Variants in MAST4 observed in about 807,000 individuals in gnomAD.
MAST4 encodes the protein microtubule associated serine/threonine kinase family member 4.
MAST4 carries 89 observed loss-of-function variants against 162.7 expected under a neutral mutation model. The observed-to-expected ratio is 0.55, with a 90% CI of 0.46 to 0.65. MAST4 has a LOEUF of 0.65. Ranked by LOEUF, MAST4 falls within the 30% of genes least tolerant of loss-of-function variation. The pLI, the probability that MAST4 is intolerant of heterozygous loss-of-function variation, is 0.00. For missense variants in MAST4, 3,153 were observed against 3,374.0 expected, an observed-to-expected ratio of 0.93 and a Z score of 1.62; for synonymous variants, 1,479 against 1,361.1, an observed-to-expected ratio of 1.09 and a Z score of -1.91.
chr5:66,786,784 AAT>A (rs1755137639), intron 2 of MAST4, among the ~76,000 whole-genome samples: 1 of 152,206 alleles, frequency 6.6e-6, no homozygotes, highest in Non-Finnish European at 1.5e-5. Context: ...CTTGCCCAAA[AAT>A]ATGTCTGAAT....
Position 67,056,556 on chromosome 5 carries a change from C to T in MAST4, c.763+2064C>T, listed in dbSNP as rs149922070. ...CACTTCTAATATTGAGACGACAGAA[C>T]GTGGTGAAGACTTTAATGATCCTTT... On this transcript the variant is annotated intron_variant, in intron 5 of 28. Transcript: ENST00000403625. Among the ~76,000 whole-genome samples the T allele has an allele frequency of 3.3e-3, 495 of 152,228 alleles. 3 individuals are homozygous for T. Among genetic ancestry groups the T allele is most frequent in the African/African-American group, 0.011 (456 of 41,548 alleles).
At chr5:66,978,697 G>GT (rs1396168122) in intron 4 of MAST4, among the ~76,000 whole-genome samples, 2 of 152,190 alleles carry the variant, frequency 1.3e-5, no homozygotes, top group Non-Finnish European at 2.9e-5. Flanking sequence ...ATGTAGACAT[G>GT]TATGTTCAAG....
At chr5:66,736,840 A>G (rs1752183308) in intron 1 of MAST4, among the ~76,000 whole-genome samples, 1 of 152,058 alleles carries the variant, frequency 6.6e-6, no homozygotes, top group Admixed American at 6.6e-5. Context: ...GAAGGGTACT[A>G]CTCTTGTACA....
intron 9 of MAST4, among the ~76,000 whole-genome samples, chr5:67,103,411 C>A (rs1445925894): frequency 6.6e-6 from 1 of 152,192 alleles, no homozygotes; most frequent in East Asian, 1.9e-4. Context: ...ACATTGATGT[C>A]ATTGATTAAA....
At position 66,789,988 on chromosome 5, in the gene MAST4, A is replaced by ATTTT. The variant is rs57743987; in HGVS notation, c.642+1221_642+1224dup. On this transcript the variant is annotated intron_variant, in intron 3 of 28. Coordinates refer to ENST00000403625, the MANE Select transcript of MAST4 (RefSeq NM_001164664.2). ...CTTTATGTTTAACATGCTTATTAGA[A>ATTTT]TTTTTTTTTTTTTTTTTTTTTTTTT... 1.9e-3 allele frequency among the ~76,000 whole-genome samples: 102 copies of ATTTT among 52,462 alleles called. 7 individuals are homozygous for ATTTT. The highest frequency in any genetic ancestry group is 0.017 in the Middle Eastern group (1 of 58). 34.4% of individuals were successfully genotyped at this position (52,462 alleles called of 152,430 possible). A position where few individuals can be genotyped will look rare whatever the true frequency, so the allele number is the denominator to read the frequency against.
At chr5:66,861,851 A>G (rs1760142314) in intron 3 of MAST4, among the ~76,000 whole-genome samples, 1 of 152,138 alleles carries the variant, frequency 6.6e-6, no homozygotes. Flanking sequence ...AGAAGATGTG[A>G]TTATTGTTGT....
chr5:66,650,887 C>T (rs1243119216), intron 1 of MAST4, among the ~76,000 whole-genome samples: 1 of 152,186 alleles, frequency 6.6e-6, no homozygotes, highest in African/African-American at 2.4e-5. Flanking sequence ...GTTCATATCC[C>T]GTTGATCAAA....
At chr5:66,712,373 G>T (rs960811464) in intron 1 of MAST4, among the ~76,000 whole-genome samples, 3 of 152,172 alleles carry the variant, frequency 2.0e-5, no homozygotes, top group African/African-American at 7.2e-5. Context: ...TGGCAGTTTT[G>T]TTCCAGAATT....
At chr5:66,634,849 C>A (rs1225983188) in intron 1 of MAST4, among the ~76,000 whole-genome samples, 1 of 152,192 alleles carries the variant, frequency 6.6e-6, no homozygotes, top group Admixed American at 6.5e-5. Flanking sequence ...CAACCAGGCC[C>A]AATATTCTGA....
intron 4 of MAST4, among the ~76,000 whole-genome samples, chr5:66,965,207 GTTTTTTTTTTTTTTTTGCTT>G (rs1746554886): frequency 1.2e-5 from 1 of 82,872 alleles, no homozygotes; most frequent in South Asian, 4.2e-4. Flanking sequence ...CATAAGAGTA[GTTTTTTTTTTTTTTTTGCTT>G]TTTTTTTTTT....
chr5:66,973,682 T>C (rs953964572), intron 4 of MAST4, among the ~76,000 whole-genome samples: 9 of 152,220 alleles, frequency 5.9e-5, no homozygotes, highest in African/African-American at 1.4e-4. Flanking sequence ...CTTTCATTGA[T>C]GACCTTGCTC....
chr5:67,075,734 A>T (rs1761561822), intron 5 of MAST4, among the ~76,000 whole-genome samples: 1 of 152,228 alleles, frequency 6.6e-6, no homozygotes, highest in Admixed American at 6.5e-5. Context: ...ATAAAAGCTA[A>T]GCACTCCCTT....
intron 4 of MAST4, among the ~76,000 whole-genome samples, chr5:67,000,117 T>G (rs1751115712): frequency 6.6e-6 from 1 of 152,180 alleles, no homozygotes; most frequent in Non-Finnish European, 1.5e-5. Flanking sequence ...AGACCACATT[T>G]AGAAGGTGAC....
rs750951069 is a variant in MAST4 at position 67,078,911 on chromosome 5, A to AATATAT, written c.764-11216_764-11211dup. On this transcript the variant is annotated intron_variant, in intron 5 of 28. Coordinates refer to ENST00000403625, the MANE Select transcript of MAST4 (RefSeq NM_001164664.2). ...TTATATATTTATATATTTTTATATA[A>AATATAT]ATATATATATATATATATATATATA... Among the ~76,000 whole-genome samples, 107 of 38,018 alleles carry AATATAT rather than the reference A, an allele frequency of 2.8e-3. 2 individuals carry two copies. Among genetic ancestry groups the AATATAT allele is most frequent in the African/African-American group, 7.9e-3 (63 of 8,018 alleles). 24.9% of individuals were successfully genotyped at this position (38,018 alleles called of 152,430 possible).
chr5:67,122,095 A>G (rs951943462), intron 14 of MAST4, among the ~76,000 whole-genome samples: 1 of 152,200 alleles, frequency 6.6e-6, no homozygotes, highest in Non-Finnish European at 1.5e-5. Flanking sequence ...CTTCTGAGTT[A>G]CTAATAGTTT....
In MAST4 at chr5:67,152,800, T is replaced by C. The variant is rs1278895948; in HGVS notation, c.3459T>C (p.Phe1153=). Residue 1153 remains phenylalanine (F), a synonymous_variant, in exon 25 of 29, where the codon TTT becomes TTC. Coordinates refer to ENST00000403625, the MANE Select transcript of MAST4 (RefSeq NM_001164664.2). ...ACAGTTCGGGGAAGAACTACGGCTT[T>C]ACCATCCGAGCCATCCGGGTGTATG... is the stretch of plus-strand genomic sequence containing the variant. ...VIHSSGKNYG[F]TIRAIRVYVG... is the part of the protein sequence containing the mutation. 8 of 1,614,048 alleles carry C rather than the reference T, an allele frequency of 5.0e-6. No homozygotes were observed. In the East Asian group the frequency reaches 1.6e-4, roughly 31 times the overall value.
At chr5:67,080,538 A>G (rs1160859023) in intron 5 of MAST4, among the ~76,000 whole-genome samples, 1 of 152,172 alleles carries the variant, frequency 6.6e-6, no homozygotes, top group Non-Finnish European at 1.5e-5. Flanking sequence ...CAGATTGTCT[A>G]CTAAAGATAT....
At chr5:66,986,968 C>A (rs1749583275) in intron 4 of MAST4, among the ~76,000 whole-genome samples, 1 of 152,032 alleles carries the variant, frequency 6.6e-6, no homozygotes, top group Non-Finnish European at 1.5e-5. Context: ...ATGCTCTTAT[C>A]TCTCAAAATC....
chr5:66,773,152 A>T (rs27946), intron 2 of MAST4, among the ~76,000 whole-genome samples: 28,340 of 152,172 alleles, frequency 0.19, 3,158 homozygotes, highest in East Asian at 0.45. Context: ...GCTGACTCTA[A>T]GTCAGTTCCA....
Sources: allele counts gnomAD v4.1 joint callset (sites outside exome capture counted in the v4.1 genomes callset), GRCh38; gene constraint gnomAD v4.1.1; transcripts MANE v1.5; gene names NCBI Gene and HGNC (gene_info 2026-07-23, HGNC 2026-07-21).